The following ABHD12B variants were observed in gnomAD, a reference collection of about 807,000 sequenced individuals.
The protein encoded by ABHD12B is protein ABHD12B.
In ABHD12B, 42 loss-of-function variants were observed where a neutral mutation model predicts 50.4. The observed-to-expected ratio is 0.83, with a 90% CI of 0.65 to 1.08. The LOEUF is 1.08. Among genes scored for constraint, ABHD12B ranks in the 50% least tolerant of loss-of-function variants. ABHD12B has a pLI of 0.00. For missense variants in ABHD12B, 479 were observed against 447.7 expected, an observed-to-expected ratio of 1.07 and a Z score of -0.63; for synonymous variants, 167 against 160.3, an observed-to-expected ratio of 1.04 and a Z score of -0.32.
At chr14:50,901,012 G>A (rs12589201) in intron 9 of ABHD12B, among the ~76,000 whole-genome samples, 1 of 152,228 alleles carries the variant, frequency 6.6e-6, no homozygotes, top group South Asian at 2.1e-4. Flanking sequence ...TTGCAGCTTA[G>A]TATAAGCAAG....
chr14:50,891,285 C>G (rs933409987), intron 9 of ABHD12B: 4 of 151,512 alleles, frequency 2.6e-5, no homozygotes, highest in Non-Finnish European at 5.9e-5. Context: ...CTCTGTCGTC[C>G]AGGCTGGAGT....
intron 2 of ABHD12B, among the ~76,000 whole-genome samples, 162 bp from the exon 3 acceptor site, chr14:50,878,583 G>C (rs546770685): frequency 3.9e-5 from 6 of 152,274 alleles, no homozygotes; most frequent in Admixed American, 6.5e-5. Flanking sequence ...CTCCTCTGCA[G>C]GCTAGTCCTA....
chr14:50,903,285 G>A lies in ABHD12B; in HGVS notation c.864-104G>A, dbSNP rs987030622. The A allele has an allele frequency of 3.7e-6, 3 of 800,412 alleles. No homozygotes were observed. In the South Asian group the frequency reaches 5.3e-5, roughly 14 times the overall value. 49.6% of individuals were successfully genotyped at this position (800,412 alleles called of 1,614,324 possible). ...TTGGAAGGAAGGAAAGAAATTTCTT[G>A]TAATTTAGACAGGCCTCATGTTTTG... On this transcript the variant is annotated intron_variant, in intron 10 of 12. Transcript: ENST00000337334.
chr14:50,881,200 G>A (rs913589258), intron 4 of ABHD12B, among the ~76,000 whole-genome samples: 1 of 152,156 alleles, frequency 6.6e-6, no homozygotes, highest in African/African-American at 2.4e-5. Flanking sequence ...TATGTTGGGT[G>A]ACGATCATCG....
chr14:50,900,985 C>T (rs997477034), intron 9 of ABHD12B, among the ~76,000 whole-genome samples: 5 of 152,100 alleles, frequency 3.3e-5, no homozygotes, highest in African/African-American at 7.2e-5. Flanking sequence ...AAGGCAGAAT[C>T]GGGGAGCCAC....
intron 9 of ABHD12B, chr14:50,895,691 C>A (rs2633548): frequency 1.3e-5 from 2 of 152,036 alleles, no homozygotes; most frequent in Non-Finnish European, 2.9e-5. Context: ...CCATCACAGA[C>A]GCCGAGCTTC....
At chr14:50,881,905 G>T (rs1285008717) in intron 5 of ABHD12B, among the ~76,000 whole-genome samples, 1 of 152,050 alleles carries the variant, frequency 6.6e-6, no homozygotes, top group Non-Finnish European at 1.5e-5. Flanking sequence ...TTCTCTGAGG[G>T]CTGGGGGATG....
Position 50,904,179 on chromosome 14 carries a change from TTAA to T in ABHD12B, c.1052_1054del (p.Ile351del). The T allele has an allele frequency of 1.2e-6, 2 of 1,614,160 alleles. No homozygotes were observed. The highest frequency in any genetic ancestry group is 2.2e-5 in the East Asian group (1 of 44,892). On this transcript the variant is annotated inframe_deletion, in exon 12 of 13. Transcript: ENST00000337334. ...CCTGCTTTGTAAAAGCCCCACACTGTTAATAACCGTGAGGTAAGAGTTGCTTTG... is the reference window on the plus strand; with the variant it reads ...CCTGCTTTGTAAAAGCCCCACACTGTTAACCGTGAGGTAAGAGTTGCTTTG...
At chr14:50,900,205 C>A (rs887423777) in intron 9 of ABHD12B, among the ~76,000 whole-genome samples, 1 of 152,052 alleles carries the variant, frequency 6.6e-6, no homozygotes, top group Admixed American at 6.6e-5. Flanking sequence ...TGCACCCACT[C>A]CCAGTCTAGG....
At chr14:50,899,550 C>T (rs1000018845) in intron 9 of ABHD12B, among the ~76,000 whole-genome samples, 6 of 152,100 alleles carry the variant, frequency 3.9e-5, no homozygotes, top group African/African-American at 7.2e-5. Flanking sequence ...TGCCTATTTC[C>T]TTCTCTTGGC....
chr14:50,901,980 A>C, intron 10 of ABHD12B, 69 bp downstream of exon 10: 1 of 1,035,442 alleles, frequency 9.7e-7, no homozygotes, highest in Non-Finnish European at 1.4e-6. Flanking sequence ...CTATCATGTG[A>C]CTTACTGGAT....
chr14:50,885,340 C>T (rs1038259300), intron 5 of ABHD12B, among the ~76,000 whole-genome samples: 1 of 152,100 alleles, frequency 6.6e-6, no homozygotes, highest in African/African-American at 2.4e-5. Flanking sequence ...TAATCTTCAT[C>T]GAATATAAAA....
At chr14:50,875,777 A>G (rs1453835614) in intron 1 of ABHD12B, among the ~76,000 whole-genome samples, 1 of 152,206 alleles carries the variant, frequency 6.6e-6, no homozygotes, top group Non-Finnish European at 1.5e-5. Context: ...CCCGCAGTGC[A>G]TCTCAGAAAA....
chr14:50,882,422 G>A (rs1033161202), intron 5 of ABHD12B, among the ~76,000 whole-genome samples: 4 of 111,404 alleles, frequency 3.6e-5, no homozygotes, highest in African/African-American at 1.1e-4. Flanking sequence ...TGTTGCCCAG[G>A]CTGGAGTGCA....
intron 10 of ABHD12B, among the ~76,000 whole-genome samples, chr14:50,902,606 T>C (rs11847533): frequency 0.06 from 9,122 of 152,290 alleles, 402 homozygotes; most frequent in African/African-American, 0.12. Flanking sequence ...GCAAATCCAA[T>C]GACTAGAATT....
intron 9 of ABHD12B, among the ~76,000 whole-genome samples, chr14:50,897,872 C>G (rs1019614631): frequency 6.6e-6 from 1 of 152,178 alleles, no homozygotes; most frequent in Non-Finnish European, 1.5e-5. Context: ...TGTTCCTTTC[C>G]GTCCCTCTTT....
chr14:50,899,678 C>T (rs549960777), intron 9 of ABHD12B, among the ~76,000 whole-genome samples: 1 of 152,188 alleles, frequency 6.6e-6, no homozygotes, highest in South Asian at 2.1e-4. Flanking sequence ...AATCCCAGCA[C>T]TTTGGGAGGC....
intron 9 of ABHD12B, among the ~76,000 whole-genome samples, chr14:50,898,400 T>C (rs1025223136): frequency 6.6e-6 from 1 of 152,202 alleles, no homozygotes; most frequent in Non-Finnish European, 1.5e-5. Flanking sequence ...AGTTGTTGTT[T>C]TCAGTAGATA....
intron 11 of ABHD12B, among the ~76,000 whole-genome samples, chr14:50,903,712 T>C (rs1294148213): frequency 6.6e-6 from 1 of 152,142 alleles, no homozygotes; most frequent in Non-Finnish European, 1.5e-5. Context: ...AAGTGTAGGG[T>C]ATCCCAGGCT....
Sources: gnomAD v4.1 joint callset for allele counts (sites outside exome capture counted in the v4.1 genomes callset) on GRCh38, gnomAD v4.1.1 for gene constraint, MANE v1.5 for transcripts, NCBI Gene and HGNC (gene_info 2026-07-23, HGNC 2026-07-21) for gene names.